The following PACS1 variants were observed in gnomAD, a reference collection of about 807,000 sequenced individuals.
PACS1 encodes PACS-1.
PACS1 carries 24 observed loss-of-function variants against 115.0 expected under a neutral mutation model. The ratio of observed to expected loss-of-function variants is 0.21; its 90% CI spans 0.15 to 0.29. The LOEUF (loss-of-function observed/expected upper bound fraction) is 0.29. Ranked by LOEUF, PACS1 falls within the 10% of genes least tolerant of loss-of-function variation. The probability of loss-of-function intolerance (pLI) is 1.00; values close to 1 mark genes in which losing one functional copy is unlikely to be tolerated. For missense variants in PACS1, 838 were observed against 1,251.2 expected, an observed-to-expected ratio of 0.67 and a Z score of 4.98; for synonymous variants, 453 against 504.5, an observed-to-expected ratio of 0.90 and a Z score of 1.37.
chr11:66,123,272 A>T (rs563508394), intron 1 of PACS1, among the ~76,000 whole-genome samples: 4 of 151,046 alleles, frequency 2.6e-5, no homozygotes, highest in Non-Finnish European at 5.9e-5. Flanking sequence ...GCTCACTGCA[A>T]CCTCCGCCTT....
intron 1 of PACS1, among the ~76,000 whole-genome samples, chr11:66,160,445 T>C (rs1376179658): frequency 6.6e-6 from 1 of 152,180 alleles, no homozygotes; most frequent in Non-Finnish European, 1.5e-5. Context: ...TTTAAAAATA[T>C]ATTTTCCTGA....
intron 1 of PACS1, among the ~76,000 whole-genome samples, chr11:66,125,420 T>C (rs1858549143): frequency 6.6e-6 from 1 of 152,266 alleles, no homozygotes; most frequent in Non-Finnish European, 1.5e-5. Flanking sequence ...ACTGACTTGC[T>C]GTTTAATGGG....
chr11:66,099,475 C>T (rs547507416), intron 1 of PACS1, among the ~76,000 whole-genome samples: 11 of 152,222 alleles, frequency 7.2e-5, no homozygotes, highest in Admixed American at 1.3e-4. Context: ...CCACCCTCCT[C>T]GGCCTCCCAA....
chr11:66,146,340 A>G (rs1230567888), intron 1 of PACS1, among the ~76,000 whole-genome samples: 2 of 152,228 alleles, frequency 1.3e-5, no homozygotes, highest in Non-Finnish European at 2.9e-5. Context: ...CAGTGACTCA[A>G]TAAATCTCAA....
At chr11:66,242,841 G>A (rs1855843291) in intron 22 of PACS1, 71 bp from the exon 23 acceptor site, 1 of 1,601,812 alleles carries the variant, frequency 6.2e-7, no homozygotes, top group African/African-American at 1.3e-5. Flanking sequence ...GAAGGGGACA[G>A]TCGGCTGGGG....
Position 66,235,389 on chromosome 11 carries a change from T to A in PACS1, c.2193T>A (p.Thr731=). The A allele has an allele frequency of 6.2e-7, 1 of 1,613,386 alleles. No homozygotes were observed. The highest frequency in any genetic ancestry group is 1.3e-5 in the African/African-American group (1 of 75,042). Residue 731 remains threonine, a synonymous_variant, in exon 18 of 24, where the codon ACT becomes ACA. Coordinates refer to ENST00000320580, the MANE Select transcript of PACS1 (RefSeq NM_018026.4). The surrounding 1 kb of genome is among the most constrained non-coding windows in gnomAD (Gnocchi z 5.6). Reference sequence around the variant, plus strand: ...TTCCCGTGGCCGAAGCCATGCTGACTTGCCGGCATAAGTTGTAAGTTTGAC... The same window carrying A: ...TTCCCGTGGCCGAAGCCATGCTGACATGCCGGCATAAGTTGTAAGTTTGAC... The part of the protein sequence containing the change: ...HQLPVAEAML[T]CRHKFPDEDS...
intron 2 of PACS1, among the ~76,000 whole-genome samples, chr11:66,208,651 T>C (rs908286498): frequency 7.9e-6 from 1 of 126,450 alleles, no homozygotes; most frequent in Admixed American, 8.1e-5. Context: ...CTCGTCTCTC[T>C]TTTTATTAAA....
intron 1 of PACS1, among the ~76,000 whole-genome samples, chr11:66,140,633 C>T (rs1463908386): frequency 6.6e-6 from 1 of 152,148 alleles, no homozygotes; most frequent in East Asian, 1.9e-4. Context: ...GTAGTGTCCT[C>T]CCCTTAATTC....
intron 1 of PACS1, among the ~76,000 whole-genome samples, chr11:66,132,513 G>A (rs1858727103): frequency 2.0e-5 from 3 of 151,596 alleles, no homozygotes; most frequent in Admixed American, 6.6e-5. Flanking sequence ...ATCCTCCCTC[G>A]TACTTTAATC....
At chr11:66,099,967 G>A (rs1195049055) in intron 1 of PACS1, among the ~76,000 whole-genome samples, 2 of 152,068 alleles carry the variant, frequency 1.3e-5, no homozygotes, top group East Asian at 1.9e-4. Flanking sequence ...TGCAACCTCC[G>A]CCTCCTGGGT....
intron 2 of PACS1, among the ~76,000 whole-genome samples, chr11:66,205,763 G>A (rs1314512163): frequency 1.3e-5 from 2 of 150,408 alleles, no homozygotes; most frequent in African/African-American, 4.9e-5. Flanking sequence ...TTAAGTGCTG[G>A]GATTACAGGC....
chr11:66,150,012 G>C (rs1352247184), intron 1 of PACS1, among the ~76,000 whole-genome samples: 1 of 152,100 alleles, frequency 6.6e-6, no homozygotes, highest in Non-Finnish European at 1.5e-5. Flanking sequence ...GCCTCCCAAA[G>C]TGCTGGGATT....
intron 1 of PACS1, among the ~76,000 whole-genome samples, chr11:66,159,049 G>C (rs185126644): frequency 1.3e-5 from 2 of 152,280 alleles, no homozygotes; most frequent in Admixed American, 1.3e-4. Context: ...TAAGATAATA[G>C]ATGAATGCCA....
chr11:66,202,588 A>G (rs1367054273), intron 2 of PACS1, among the ~76,000 whole-genome samples: 1 of 151,708 alleles, frequency 6.6e-6, no homozygotes, highest in Admixed American at 6.6e-5. Context: ...CCATGTGATA[A>G]TCTCAATTGA....
intron 1 of PACS1, among the ~76,000 whole-genome samples, chr11:66,158,115 C>T (rs1438600534): frequency 1.3e-5 from 2 of 152,142 alleles, no homozygotes; most frequent in Non-Finnish European, 2.9e-5. Flanking sequence ...TACAGATACG[C>T]GCCACCACAC....
At chr11:66,163,689 T>C (rs1038925596) in intron 1 of PACS1, among the ~76,000 whole-genome samples, 4 of 152,306 alleles carry the variant, frequency 2.6e-5, no homozygotes, top group African/African-American at 9.6e-5. Flanking sequence ...ATAATGGTAT[T>C]TTCTGTCTGT....
At chr11:66,207,327 C>T (rs570654432) in intron 2 of PACS1, among the ~76,000 whole-genome samples, 1 of 151,964 alleles carries the variant, frequency 6.6e-6, no homozygotes, top group Non-Finnish European at 1.5e-5. Flanking sequence ...ATTAGCTGGG[C>T]GTGATGGCAC....
In PACS1 at chr11:66,162,092, T is replaced by C. The variant is rs184121104; in HGVS notation, c.357-31394T>C. 1.1e-3 allele frequency among the ~76,000 whole-genome samples: 159 copies of C among 151,408 alleles called. 2 individuals are homozygous for C. The highest frequency in any genetic ancestry group is 4.9e-4 in the Non-Finnish European group (33 of 67,876). On this transcript the variant is annotated intron_variant, in intron 1 of 23. Coordinates refer to ENST00000320580, the MANE Select transcript of PACS1 (RefSeq NM_018026.4). Reference sequence around the variant, plus strand: ...GACCTGAAATCCAATGACTGATGTTTTCTGTTGGTGGTGGTGGTGGTTTTT... The same window carrying C: ...GACCTGAAATCCAATGACTGATGTTCTCTGTTGGTGGTGGTGGTGGTTTTT...
chr11:66,241,415 C>A lies in PACS1; in HGVS notation c.2430-12C>A. 1 of 1,565,666 alleles carries A rather than the reference C, an allele frequency of 6.4e-7. No homozygotes were observed. Among genetic ancestry groups the A allele is most frequent in the South Asian group, 1.2e-5 (1 of 85,790 alleles). ...GCAGAGCTGACCTCTCCTCTTTGTT[C>A]CCTTTCCTCAGGAGCCCTAATAGCC... is the stretch of plus-strand genomic sequence containing the variant. On this transcript the variant is annotated splice_polypyrimidine_tract_variant and intron_variant, in intron 21 of 23. Transcript: ENST00000320580.
Sources: allele counts gnomAD v4.1 joint callset (sites outside exome capture counted in the v4.1 genomes callset), GRCh38; gene constraint gnomAD v4.1.1; non-coding constraint Gnocchi (gnomAD v3.1); transcripts MANE v1.5; gene names NCBI Gene and HGNC (gene_info 2026-07-23, HGNC 2026-07-21).